Variants in MEMO1 observed in about 807,000 individuals in gnomAD.
MEMO1 encodes mediator of cell motility 1, also known as protein MEMO1.
In MEMO1, 6 loss-of-function variants were observed where a neutral mutation model predicts 45.2. The ratio of observed to expected loss-of-function variants is 0.13; its 90% CI spans 0.07 to 0.26. MEMO1 has a LOEUF of 0.26. Ranked by LOEUF, MEMO1 falls within the 10% of genes least tolerant of loss-of-function variation. The pLI, the probability that MEMO1 is intolerant of heterozygous loss-of-function variation, is 1.00. For synonymous variants in MEMO1, 78 were observed against 124.3 expected, an observed-to-expected ratio of 0.63 and a Z score of 2.48; for missense variants, 184 against 370.5, an observed-to-expected ratio of 0.50 and a Z score of 4.13.
In MEMO1 at chr2:32,001,032, A is replaced by ATTTT. The variant is rs66617379; in HGVS notation, c.61+9151_61+9154dup. Among the ~76,000 whole-genome samples the ATTTT allele has an allele frequency of 3.0e-3, 314 of 104,516 alleles. 5 individuals are homozygous for ATTTT. The highest frequency in any genetic ancestry group is 0.011 in the African/African-American group (290 of 27,032). 68.6% of individuals were successfully genotyped at this position (104,516 alleles called of 152,430 possible). ...CTCTTCAGAAGTGCCATAAATTTTG[A>ATTTT]TTTTTTTTTTTTTTTTTTTTTTTGA... is the stretch of plus-strand genomic sequence containing the variant. On this transcript the variant is annotated intron_variant, in intron 2 of 9. Transcript: ENST00000404530.
chr2:31,950,270 A>C (rs889391521), intron 2 of MEMO1, among the ~76,000 whole-genome samples: 4 of 151,944 alleles, frequency 2.6e-5, no homozygotes, highest in Non-Finnish European at 4.4e-5. Flanking sequence ...AATTCCAGCT[A>C]CTCAGGAGGC....
At chr2:31,937,992 G>T (rs1426026384) in intron 3 of MEMO1, among the ~76,000 whole-genome samples, 1 of 152,148 alleles carries the variant, frequency 6.6e-6, no homozygotes, top group Non-Finnish European at 1.5e-5. Flanking sequence ...TAGCTCATGA[G>T]ATCATTTCAA....
intron 2 of MEMO1, among the ~76,000 whole-genome samples, chr2:31,987,370 G>A (rs914039337): frequency 1.3e-5 from 2 of 152,090 alleles, no homozygotes; most frequent in African/African-American, 2.4e-5. Context: ...GGATAGGTAG[G>A]CATAGGCCAT....
intron 2 of MEMO1, among the ~76,000 whole-genome samples, chr2:32,003,810 G>C (rs1364493460): frequency 2.0e-5 from 3 of 152,072 alleles, no homozygotes; most frequent in Non-Finnish European, 4.4e-5. Flanking sequence ...CCAGCACTTT[G>C]GGAGGCCAAG....
intron 8 of MEMO1, among the ~76,000 whole-genome samples, chr2:31,880,396 CT>C (rs1394284445): frequency 6.6e-6 from 1 of 152,114 alleles, no homozygotes; most frequent in South Asian, 2.1e-4. Flanking sequence ...AAAGTAGCAA[CT>C]AAGGTAAGTT....
At chr2:31,902,437 G>A (rs553706315) in intron 6 of MEMO1, among the ~76,000 whole-genome samples, 1 of 151,860 alleles carries the variant, frequency 6.6e-6, no homozygotes, top group African/African-American at 2.4e-5. Context: ...TTACATGAGT[G>A]AATTTTAGTG....
At chr2:31,945,325 A>G (rs949020470) in intron 2 of MEMO1, among the ~76,000 whole-genome samples, 5 of 152,218 alleles carry the variant, frequency 3.3e-5, no homozygotes, top group Non-Finnish European at 4.4e-5. Context: ...CACTATTAAT[A>G]CATAATGCTA....
chr2:31,920,841 A>C lies in MEMO1; in HGVS notation c.282T>G (p.Asp94Glu), dbSNP rs775530942. Residue 94 changes from aspartate to glutamate, a missense_variant, in exon 5 of 10, where the codon GAT (aspartate) becomes GAG (glutamate). By Grantham distance (45) the Asp-to-Glu change is conservative. This residue lies in a region of MEMO1 where 60 missense variants were observed against 79.2 expected (regional missense o/e 0.76). Coordinates refer to ENST00000404530, the MANE Select transcript of MEMO1 (RefSeq NM_001301833.4). ...GGTCATACAGAGGTGTCCTATATAT[A>C]TCCACACTGGAAAGTGCACATCGAG... ...PLSRCALSSV[D>E]IYRTPLYDLR... 1 of 1,611,850 alleles carries C rather than the reference A, an allele frequency of 6.2e-7. No individual in the cohort carries two copies. The highest frequency in any genetic ancestry group is 1.7e-5 in the Admixed American group (1 of 59,926).
At chr2:31,947,474 T>C (rs546937905) in intron 2 of MEMO1, among the ~76,000 whole-genome samples, 1 of 152,228 alleles carries the variant, frequency 6.6e-6, no homozygotes, top group Non-Finnish European at 1.5e-5. Context: ...GTATCCTTGA[T>C]ACATGAAGGA....
At chr2:31,881,311 G>A (rs1040160446) in intron 8 of MEMO1, among the ~76,000 whole-genome samples, 3 of 151,412 alleles carry the variant, frequency 2.0e-5, no homozygotes, top group East Asian at 1.9e-4. Flanking sequence ...GCAACATGGC[G>A]AAACCTCGTC....
chr2:31,978,249 T>A (rs1317993248), intron 2 of MEMO1, among the ~76,000 whole-genome samples: 1 of 151,956 alleles, frequency 6.6e-6, no homozygotes, highest in African/African-American at 2.4e-5. Flanking sequence ...TAGCTGGGCG[T>A]GGTGGTGGGC....
chr2:31,900,364 G>C lies in MEMO1; in HGVS notation c.438-8230C>G, dbSNP rs535794236. On this transcript the variant is annotated intron_variant, in intron 6 of 9. Transcript: ENST00000404530. ...ACTATGCAGCCATAAAAAAGGATTA[G>C]TTCATGTCCTTTGCAGGGACATGGA... Among the ~76,000 whole-genome samples, 4 of 152,296 alleles carry C rather than the reference G, an allele frequency of 2.6e-5. No homozygotes were observed. In the East Asian group the frequency reaches 5.8e-4, roughly 22 times the overall value.
At chr2:31,935,462 T>C (rs141432659) in intron 3 of MEMO1, among the ~76,000 whole-genome samples, 1,590 of 152,258 alleles carry the variant, frequency 0.01, 29 homozygotes, top group South Asian at 0.066. Flanking sequence ...CTTCCAAGTC[T>C]GCTTGGAGTA....
intron 6 of MEMO1, among the ~76,000 whole-genome samples, chr2:31,912,584 T>C (rs867654353): frequency 6.6e-6 from 1 of 150,584 alleles, no homozygotes; most frequent in East Asian, 1.9e-4. Context: ...AGATAATATA[T>C]GGTGACATAC....
intron 6 of MEMO1, among the ~76,000 whole-genome samples, chr2:31,900,423 C>T (rs1192652740): frequency 1.3e-5 from 2 of 152,058 alleles, no homozygotes; most frequent in Non-Finnish European, 2.9e-5. Flanking sequence ...AGCAAACTAA[C>T]ACAGGAACAG....
At chr2:31,884,738 C>G (rs1415624068) in intron 7 of MEMO1, among the ~76,000 whole-genome samples, 4 of 152,124 alleles carry the variant, frequency 2.6e-5, no homozygotes, top group Non-Finnish European at 5.9e-5. Flanking sequence ...TTTTCGTATA[C>G]AGTAACATAA....
intron 3 of MEMO1, among the ~76,000 whole-genome samples, chr2:31,933,710 A>G (rs1664576286): frequency 6.6e-6 from 1 of 152,066 alleles, no homozygotes; most frequent in Non-Finnish European, 1.5e-5. Flanking sequence ...TGGAACATAC[A>G]CTAAGTTCAC....
At chr2:31,928,347 A>T (rs1477986002) in intron 4 of MEMO1, among the ~76,000 whole-genome samples, 1 of 152,220 alleles carries the variant, frequency 6.6e-6, no homozygotes, top group Non-Finnish European at 1.5e-5. Context: ...GTTCGAGACC[A>T]GCCTAGCCAA....
At chr2:31,961,912 C>A (rs987024003) in intron 2 of MEMO1, among the ~76,000 whole-genome samples, 2 of 152,128 alleles carry the variant, frequency 1.3e-5, no homozygotes, top group Admixed American at 6.6e-5. Flanking sequence ...TGCTAAGAAT[C>A]TGAGCCATTT....
Sources: gnomAD v4.1 joint callset for allele counts (sites outside exome capture counted in the v4.1 genomes callset) on GRCh38, gnomAD v4.1.1 for gene constraint, gnomAD v4.1.1 regional missense constraint, MANE v1.5 for transcripts, NCBI Gene and HGNC (gene_info 2026-07-23, HGNC 2026-07-21) for gene names.